MALT1: variants seen among roughly 807,000 people sequenced by gnomAD.
MALT1 encodes mucosa-associated lymphoid tissue lymphoma translocation protein 1.
Under a neutral mutation model 85.5 loss-of-function variants are expected in MALT1, and 36 were observed. The observed-to-expected ratio is 0.42, with a 90% CI of 0.32 to 0.56. MALT1 has a LOEUF of 0.56. Among genes scored for constraint, MALT1 ranks in the 20% least tolerant of loss-of-function variants. The pLI is 0.10. For missense variants in MALT1, 716 were observed against 981.6 expected (o/e 0.73, Z 3.62); for synonymous variants, 359 against 361.3 (o/e 0.99, Z 0.07).
chr18:58,734,265 T>A (rs190226745), intron 11 of MALT1, 42 bp from the exon 12 acceptor site: 21 of 1,394,930 alleles, frequency 1.5e-5, no homozygotes, highest in Non-Finnish European at 2.1e-5. Context: ...GCTCTTTAAC[T>A]TTTCATATTT....
intron 1 of MALT1, among the ~76,000 whole-genome samples, chr18:58,673,132 ATAT>A (rs1183514173): frequency 3.3e-5 from 5 of 152,222 alleles, no homozygotes; most frequent in Non-Finnish European, 7.3e-5. Flanking sequence ...CTGTCTCTTA[ATAT>A]TCTGTTATGT....
At chr18:58,684,827 A>G (rs534584803) in intron 2 of MALT1, among the ~76,000 whole-genome samples, 1 of 152,348 alleles carries the variant, frequency 6.6e-6, no homozygotes, top group South Asian at 2.1e-4. Flanking sequence ...AAAGATATTG[A>G]GAATAAAAAC....
chr18:58,697,471 T>A (rs1421922215), intron 3 of MALT1, among the ~76,000 whole-genome samples: 1 of 152,250 alleles, frequency 6.6e-6, no homozygotes, highest in Non-Finnish European at 1.5e-5. Flanking sequence ...TTATTAGCCA[T>A]GTGAATTCCT....
rs558501894 is a variant in MALT1, at chr18:58,680,791, C to T, written c.210-379C>T. ...ACAAAAAATTAGCCGGGCGCGGTGG[C>T]GGGCGCCTGTAGTCCCAGCTACTCG... On this transcript the variant is annotated intron_variant, in intron 1 of 16. Coordinates refer to ENST00000649217, the MANE Select transcript of MALT1 (RefSeq NM_006785.4). 6.6e-5 allele frequency among the ~76,000 whole-genome samples: 10 copies of T among 151,814 alleles called. No individual in the cohort carries two copies. The South Asian group carries it at 1.0e-3, about 16-fold the overall frequency.
chr18:58,741,348 A>T (rs1468070247), intron 13 of MALT1: 1 of 152,110 alleles, frequency 6.6e-6, no homozygotes, highest in Non-Finnish European at 1.5e-5. Context: ...AACAAATAAT[A>T]ATTTTAATGT....
At position 58,714,103 on chromosome 18, in the gene MALT1, C is replaced by A; in HGVS notation, c.979C>A (p.His327Asn). ...CTEDELNNLG[H>N]PDNKEQTTDQ... ...TTTAGATGAATTAAATAATCTTGGT[C>A]ATCCTGGTGAGTAATACAAACATAA... is the stretch of plus-strand genomic sequence containing the variant. The change falls in exon 8 of 17, where the codon CAT (histidine) becomes AAT (asparagine). Residue 327 changes from histidine (H) to asparagine (N), a missense_variant. His to Asn is a moderately conservative substitution (Grantham distance 68). Transcript: ENST00000649217. The A allele has an allele frequency of 1.6e-6, 2 of 1,271,326 alleles. No individual in the cohort carries two copies. Among genetic ancestry groups the A allele is most frequent in the South Asian group, 2.5e-5 (2 of 80,726 alleles). 78.8% of individuals were successfully genotyped at this position (1,271,326 alleles called of 1,614,324 possible). A position where few individuals can be genotyped will look rare whatever the true frequency, so the allele number is the denominator to read the frequency against.
chr18:58,719,090 C>T (rs2054944802), intron 9 of MALT1, among the ~76,000 whole-genome samples: 2 of 152,072 alleles, frequency 1.3e-5, no homozygotes, highest in Non-Finnish European at 2.9e-5. Context: ...TGCTGAATAA[C>T]ACTGCAAAAT....
At chr18:58,705,689 G>A (rs2054741965) in intron 4 of MALT1, among the ~76,000 whole-genome samples, 1 of 151,350 alleles carries the variant, frequency 6.6e-6, no homozygotes. Context: ...ATTCCATGGT[G>A]TATATGTGCC....
rs117619206 is a variant in MALT1, at chr18:58,688,612, T to A, written c.376+7276T>A. 2.6e-4 allele frequency among the ~76,000 whole-genome samples: 38 copies of A among 147,530 alleles called. No individual in the cohort carries two copies. In the East Asian group the frequency reaches 6.9e-3, roughly 27 times the overall value. ...TCTTGTGTCCCATACAAAGGAAGGATAACTTTTAGAACCTGGCCATATGAT... is the reference window on the plus strand; with the variant it reads ...TCTTGTGTCCCATACAAAGGAAGGAAAACTTTTAGAACCTGGCCATATGAT... On this transcript the variant is annotated intron_variant, in intron 2 of 16. Coordinates refer to ENST00000649217, the MANE Select transcript of MALT1 (RefSeq NM_006785.4).
chr18:58,691,992 C>A (rs1281174580), intron 2 of MALT1: 1 of 142,122 alleles, frequency 7.0e-6, no homozygotes, highest in Non-Finnish European at 1.5e-5. Context: ...TGCAGTGAGC[C>A]AAGATCGCGC....
At chr18:58,687,774 A>G (rs2054426784) in intron 2 of MALT1, among the ~76,000 whole-genome samples, 1 of 152,228 alleles carries the variant, frequency 6.6e-6, no homozygotes, top group African/African-American at 2.4e-5. Flanking sequence ...GTCAAAAATT[A>G]TCCTAATTTA....
At chr18:58,729,160 A>T (rs1261051909) in intron 10 of MALT1, among the ~76,000 whole-genome samples, 1 of 152,212 alleles carries the variant, frequency 6.6e-6, no homozygotes, top group African/African-American at 2.4e-5. Flanking sequence ...GAGAAATAAT[A>T]GTGAATAAAG....
At position 58,747,702 on chromosome 18, in the gene MALT1, T is replaced by TGCA. The variant is rs777601750; in HGVS notation, c.2338_2340dup (p.Ser780dup). 1.5e-5 allele frequency: 25 copies of TGCA among 1,614,108 alleles called. 1 individual carries two copies. In the African/African-American group the frequency reaches 2.7e-4, roughly 17 times the overall value. Reference sequence around the variant, plus strand: ...TGTTACACCAGCAGATAGCTGTCATTGCAGCCGGACTCCAGATGCATTTAT... The same window carrying TGCA: ...TGTTACACCAGCAGATAGCTGTCATTGCAGCAGCCGGACTCCAGATGCATTTAT... On this transcript the variant is annotated inframe_insertion, in exon 17 of 17. Coordinates refer to ENST00000649217, the MANE Select transcript of MALT1 (RefSeq NM_006785.4).
chr18:58,698,344 C>T (rs1447485018), intron 3 of MALT1, among the ~76,000 whole-genome samples: 1 of 152,100 alleles, frequency 6.6e-6, no homozygotes, highest in Admixed American at 6.5e-5. Context: ...GGATTACAGG[C>T]GTGAGCTGTC....
chr18:58,707,463 G>T (rs913461449), intron 4 of MALT1, among the ~76,000 whole-genome samples: 1 of 150,602 alleles, frequency 6.6e-6, no homozygotes, highest in East Asian at 1.9e-4. Flanking sequence ...TTTGGGATAC[G>T]TGTACAGAAC....
In MALT1 at chr18:58,741,243, G is replaced by T. The variant is rs143087373; in HGVS notation, c.1604-622G>T. 1.5e-3 allele frequency among the ~76,000 whole-genome samples: 234 copies of T among 152,016 alleles called. 6 individuals carry two copies. In the South Asian group the frequency reaches 0.03, roughly 20 times the overall value. Reference sequence around the variant, plus strand: ...GAGAAAATTTAGTTAATTTACATTTGTTATTTTTTGTACCTGTTTTAACCA... The same window carrying T: ...GAGAAAATTTAGTTAATTTACATTTTTTATTTTTTGTACCTGTTTTAACCA... On this transcript the variant is annotated intron_variant, in intron 13 of 16. Coordinates refer to ENST00000649217, the MANE Select transcript of MALT1 (RefSeq NM_006785.4).
At position 58,734,012 on chromosome 18, in the gene MALT1, C is replaced by CT. The variant is rs1179312591; in HGVS notation, c.1401-294dup. On this transcript the variant is annotated intron_variant, in intron 11 of 16. Transcript: ENST00000649217. ...ATCCCATTTGTCTGCCATTGCCTTT[C>CT]TAAGGAGTAGAACCAATGACTGTTC... is the stretch of plus-strand genomic sequence containing the variant. 7 of 1,199,550 alleles carry CT rather than the reference C, an allele frequency of 5.8e-6. No individual in the cohort carries two copies. In the African/African-American group the frequency reaches 1.1e-4, roughly 19 times the overall value. The allele number at this position is 1,199,550 out of a possible 1,614,324, so 74.3% of individuals were successfully genotyped here.
chr18:58,677,866 GA>G, intron 1 of MALT1, among the ~76,000 whole-genome samples: 1 of 152,224 alleles, frequency 6.6e-6, no homozygotes, highest in East Asian at 1.9e-4. Flanking sequence ...TAAATATAGT[GA>G]TCACAGGAGG....
At chr18:58,746,567 C>T (rs750612946) in intron 16 of MALT1, among the ~76,000 whole-genome samples, 2 of 152,140 alleles carry the variant, frequency 1.3e-5, no homozygotes, top group Non-Finnish European at 2.9e-5. Context: ...CACACATAAA[C>T]CTGTTGTCAT....
Sources: allele counts gnomAD v4.1 joint callset (sites outside exome capture counted in the v4.1 genomes callset), GRCh38; gene constraint gnomAD v4.1.1; transcripts MANE v1.5; gene names NCBI Gene and HGNC (gene_info 2026-07-23, HGNC 2026-07-21).